Variants in MRC1 observed in about 807,000 individuals in gnomAD.
The protein encoded by MRC1 is macrophage mannose receptor 1.
Under a neutral mutation model 102.9 loss-of-function variants are expected in MRC1, and 62 were observed. The ratio of observed to expected loss-of-function variants is 0.60; its 90% confidence interval spans 0.49 to 0.74. The LOEUF is 0.74. Among genes scored for constraint, MRC1 ranks in the 30% least tolerant of loss-of-function variants. The probability of loss-of-function intolerance (pLI) is 0.00; values close to 1 mark genes in which losing one functional copy is unlikely to be tolerated. For missense variants in MRC1, 1,237 were observed against 862.8 expected (o/e 1.43, Z -5.43); for synonymous variants, 457 against 298.4 (o/e 1.53, Z -5.48).
At chr10:17,815,115 T>G (rs1294069863) in intron 1 of MRC1, among the ~76,000 whole-genome samples, 5 of 152,168 alleles carry the variant, frequency 3.3e-5, no homozygotes, top group East Asian at 1.9e-4. Context: ...CAGGAACTCT[T>G]CTAAGCACTT....
Position 17,881,885 on chromosome 10 carries a change from T to C in MRC1, c.2980+704T>C, listed in dbSNP as rs373030864. ...TTTTGGTAGAGATAGAGTCTCACTA[T>C]GTTGCCCAGGCTGGTCTTAAACTCC... On this transcript the variant is annotated intron_variant, in intron 21 of 29. Coordinates refer to ENST00000569591, the MANE Select transcript of MRC1 (RefSeq NM_002438.4). Among the ~76,000 whole-genome samples the C allele has an allele frequency of 0.035, 4,954 of 142,904 alleles. 463 individuals carry two copies. The East Asian group carries it at 0.4, about 12-fold the overall frequency. The allele number at this position is 142,904 out of a possible 152,430, so 93.8% of individuals were successfully genotyped here.
intron 25 of MRC1, 133 bp downstream of exon 25, chr10:17,901,086 A>G (rs1045971055): frequency 5.0e-5 from 34 of 676,824 alleles, no homozygotes; most frequent in Non-Finnish European, 8.1e-5. Flanking sequence ...TCCCTCACCT[A>G]TCAAAAGACT....
chr10:17,851,459 A>C (rs1293851492), intron 7 of MRC1, among the ~76,000 whole-genome samples: 1 of 152,182 alleles, frequency 6.6e-6, no homozygotes, highest in Non-Finnish European at 1.5e-5. Flanking sequence ...TAAGACCTAT[A>C]CACGTAAGTT....
At chr10:17,889,519 G>T (rs1833645317) in intron 22 of MRC1, among the ~76,000 whole-genome samples, 1 of 151,932 alleles carries the variant, frequency 6.6e-6, no homozygotes, top group Non-Finnish European at 1.5e-5. Context: ...TCCTACCTTG[G>T]CCTCCCAAAG....
chr10:17,870,781 T>C (rs1833343959), intron 13 of MRC1, 67 bp from the exon 14 acceptor site: 4 of 854,006 alleles, frequency 4.7e-6, no homozygotes, highest in Middle Eastern at 2.2e-4. Context: ...ATGTGGTTAG[T>C]CCTCATAAGT....
chr10:17,844,950 A>G (rs1019495047), intron 5 of MRC1, among the ~76,000 whole-genome samples: 2 of 152,066 alleles, frequency 1.3e-5, no homozygotes, highest in Non-Finnish European at 2.9e-5. Flanking sequence ...CATTCTTTTC[A>G]TTAGGTACCT....
Position 17,881,191 on chromosome 10 carries a change from C to A in MRC1, c.2980+10C>A, listed in dbSNP as rs1391348776. The A allele has an allele frequency of 2.6e-6, 2 of 779,272 alleles. No homozygotes were observed. Among genetic ancestry groups the A allele is most frequent in the East Asian group, 2.4e-5 (1 of 41,240 alleles). 48.3% of individuals were successfully genotyped at this position (779,272 alleles called of 1,614,324 possible). A position where few individuals can be genotyped will look rare whatever the true frequency, so the allele number is the denominator to read the frequency against. On this transcript the variant is annotated intron_variant, in intron 21 of 29. Coordinates refer to ENST00000569591, the MANE Select transcript of MRC1 (RefSeq NM_002438.4). ...AATGAAAAAGAGCAAGGTAGGCAGG[C>A]CATTTTGCAATTAGTTGTGTGTTTA...
At chr10:17,874,971 A>C (rs1195406429) in intron 16 of MRC1, 119 bp from the exon 17 acceptor site, 2 of 748,740 alleles carry the variant, frequency 2.7e-6, no homozygotes, top group East Asian at 4.9e-5. Context: ...CTGGTCTCTC[A>C]GAGTTGCAGA....
At chr10:17,837,099 C>T (rs1337521328) in intron 4 of MRC1, among the ~76,000 whole-genome samples, 1 of 152,134 alleles carries the variant, frequency 6.6e-6, no homozygotes, top group Non-Finnish European at 1.5e-5. Context: ...ACTCTGCTAT[C>T]GGACTCGAGC....
At chr10:17,908,858 C>G (rs1340276620) in intron 28 of MRC1, among the ~76,000 whole-genome samples, 1 of 152,234 alleles carries the variant, frequency 6.6e-6, no homozygotes, top group African/African-American at 2.4e-5. Context: ...CGTGAGCCAC[C>G]ACTCCTGGCC....
intron 26 of MRC1, among the ~76,000 whole-genome samples, chr10:17,903,410 T>TTTA (rs1833856622): frequency 6.9e-6 from 1 of 144,280 alleles, no homozygotes; most frequent in Non-Finnish European, 1.5e-5. Context: ...TTTTTTTTTT[T>TTTA]TTTGAGACAG....
At chr10:17,880,996 A>T (rs1331668134) in intron 20 of MRC1, 71 bp from the exon 21 acceptor site, 11 of 773,894 alleles carry the variant, frequency 1.4e-5, no homozygotes, top group Non-Finnish European at 2.2e-5. Flanking sequence ...TGCTTTTTGT[A>T]GAGCAAAGTT....
At chr10:17,906,045 T>C (rs909159490) in intron 26 of MRC1, among the ~76,000 whole-genome samples, 11 of 152,360 alleles carry the variant, frequency 7.2e-5, no homozygotes, top group African/African-American at 2.6e-4. Context: ...GTCACTTCCA[T>C]AGCCATCTAA....
chr10:17,871,711 G>C (rs1833357476), intron 14 of MRC1, among the ~76,000 whole-genome samples: 1 of 152,114 alleles, frequency 6.6e-6, no homozygotes, highest in Non-Finnish European at 1.5e-5. Flanking sequence ...ATCCCCATTT[G>C]TGGCCCTTGG....
At chr10:17,907,755 G>C (rs972900093) in intron 28 of MRC1, 57 bp downstream of exon 28, 195 of 778,006 alleles carry the variant, frequency 2.5e-4, no homozygotes, top group Non-Finnish European at 6.7e-5. Flanking sequence ...CTTTCAAATA[G>C]TAAGATATCA....
chr10:17,861,421 T>C lies in MRC1; in HGVS notation c.1553T>C (p.Ile518Thr), dbSNP rs1281848849. Reference sequence around the variant, plus strand: ...AAACATCACTTTTACTGCTATATGATTGGACATACGCTTTCAACATTTGCA... The same window carrying C: ...AAACATCACTTTTACTGCTATATGACTGGACATACGCTTTCAACATTTGCA... ...WKKHHFYCYM[I>T]GHTLSTFAEA... The change falls in exon 10 of 30, where the codon ATT becomes ACT. Residue 518 changes from isoleucine to threonine, a missense_variant. Physicochemically the swap from Ile to Thr is moderately conservative, Grantham distance 89 (BLOSUM62 -1). Transcript: ENST00000569591. 1.1e-6 allele frequency: 1 copy of C among 872,428 alleles called. No homozygotes were observed. The highest frequency in any genetic ancestry group is 1.6e-5 in the African/African-American group (1 of 61,316). 54.0% of individuals were successfully genotyped at this position (872,428 alleles called of 1,614,324 possible).
intron 6 of MRC1, among the ~76,000 whole-genome samples, chr10:17,846,602 G>T (rs1354756144): frequency 1.3e-5 from 2 of 151,926 alleles, no homozygotes; most frequent in Admixed American, 1.3e-4. Flanking sequence ...ATTGTTTCTG[G>T]GTGTGTATCC....
chr10:17,845,638 A>C (rs1554840174), intron 6 of MRC1, among the ~76,000 whole-genome samples: 1 of 152,044 alleles, frequency 6.6e-6, no homozygotes, highest in Non-Finnish European at 1.5e-5. Context: ...CATTGTGGAG[A>C]TCCTCTGACC....
intron 1 of MRC1, among the ~76,000 whole-genome samples, chr10:17,812,732 C>T (rs1208254689): frequency 1.4e-4 from 22 of 152,014 alleles, no homozygotes; most frequent in Admixed American, 7.9e-4. Flanking sequence ...CCACCACACC[C>T]GGCTAATTTT....
Sources: allele counts gnomAD v4.1 joint callset (sites outside exome capture counted in the v4.1 genomes callset), GRCh38; gene constraint gnomAD v4.1.1; transcripts MANE v1.5; gene names NCBI Gene and HGNC (gene_info 2026-07-23, HGNC 2026-07-21).